The following EFHC2 variants were observed in gnomAD, a reference collection of about 807,000 sequenced individuals.
EFHC2 encodes the protein EF-hand domain containing 2.
In EFHC2, 18 loss-of-function variants were observed where a neutral mutation model predicts 52.7. That is an observed-to-expected ratio of 0.34 (90% CI 0.24 to 0.51). The LOEUF is 0.51. Ranked by LOEUF, EFHC2 falls within the 20% of genes least tolerant of loss-of-function variation. EFHC2 has a pLI of 0.97. For synonymous variants in EFHC2, 203 were observed against 204.1 expected (o/e 0.99, Z 0.04); for missense variants, 513 against 562.5 (o/e 0.91, Z 0.89).
At chrX:44,306,501 T>C (rs1372700027) in intron 2 of EFHC2, among the ~76,000 whole-genome samples, 3 of 111,564 alleles carry the variant, frequency 2.7e-5, no homozygotes, top group South Asian at 3.8e-4. Flanking sequence ...GCAAGGAGCC[T>C]GGGGAGGTAA....
intron 2 of EFHC2, among the ~76,000 whole-genome samples, chrX:44,295,387 T>C (rs773193714): frequency 4.5e-5 from 5 of 111,507 alleles, no homozygotes; most frequent in Non-Finnish European, 9.4e-5. Context: ...TGCAAAGTTA[T>C]GGGAGCATAG....
At chrX:44,324,077 C>T (rs1203795905) in intron 1 of EFHC2, among the ~76,000 whole-genome samples, 1 of 111,140 alleles carries the variant, frequency 9.0e-6, no homozygotes, top group East Asian at 2.8e-4. Context: ...TTAGGAATCA[C>T]GCAGCCTGAG....
At chrX:44,184,341 A>G (rs910529119) in intron 11 of EFHC2, among the ~76,000 whole-genome samples, 1 of 112,091 alleles carries the variant, frequency 8.9e-6, no homozygotes, top group Non-Finnish European at 1.9e-5. Context: ...AGACAGTCAC[A>G]TAGGCTGTTC....
intron 3 of EFHC2, 111 bp downstream of exon 3, chrX:44,272,575 G>A (rs886395288): frequency 2.5e-5 from 20 of 790,775 alleles, no homozygotes; most frequent in Non-Finnish European, 3.4e-5. Context: ...ACTGCCAGCA[G>A]GTTAGACAGC....
At chrX:44,304,743 G>A (rs1211660598) in intron 2 of EFHC2, among the ~76,000 whole-genome samples, 1 of 109,983 alleles carries the variant, frequency 9.1e-6, no homozygotes, top group Non-Finnish European at 1.9e-5. Flanking sequence ...TCTTTTGCCT[G>A]TTTTTAGAAA....
At chrX:44,278,669 G>A (rs1569299517) in intron 2 of EFHC2, among the ~76,000 whole-genome samples, 1 of 111,106 alleles carries the variant, frequency 9.0e-6, no homozygotes, top group Non-Finnish European at 1.9e-5. Context: ...CAGGTGTCCT[G>A]CCCTATACCC....
chrX:44,222,240 C>T (rs1446143248), intron 11 of EFHC2, among the ~76,000 whole-genome samples: 2 of 110,764 alleles, frequency 1.8e-5, no homozygotes, highest in East Asian at 2.8e-4. Context: ...AGTGCCTTAG[C>T]GTGAGACAAT....
At chrX:44,307,247 AG>A (rs1441999959) in intron 2 of EFHC2, among the ~76,000 whole-genome samples, 1 of 111,950 alleles carries the variant, frequency 8.9e-6, no homozygotes, top group Non-Finnish European at 1.9e-5. Context: ...CACTTTCCAA[AG>A]AACTGTCTTT....
intron 1 of EFHC2, among the ~76,000 whole-genome samples, chrX:44,333,729 T>C (rs184514989): frequency 9.0e-6 from 1 of 110,533 alleles, no homozygotes; most frequent in East Asian, 2.9e-4. Context: ...AAAAACAAGA[T>C]AATTTCCCAG....
intron 7 of EFHC2, among the ~76,000 whole-genome samples, chrX:44,245,852 C>T (rs1461456209): frequency 2.7e-5 from 3 of 111,516 alleles, no homozygotes; most frequent in African/African-American, 9.8e-5. Flanking sequence ...GTTGGGGTGT[C>T]ATTACACAGG....
At chrX:44,164,074 C>T in intron 13 of EFHC2, 47 bp from the exon 14 acceptor site, 1 of 820,009 alleles carries the variant, frequency 1.2e-6, no homozygotes, top group Non-Finnish European at 1.7e-6. Flanking sequence ...CTGCAGAATT[C>T]AAGACCAAAA....
chrX:44,211,987 C>T (rs923059299), intron 11 of EFHC2, among the ~76,000 whole-genome samples: 30 of 109,076 alleles, frequency 2.8e-4, no homozygotes, highest in African/African-American at 1.0e-3. Flanking sequence ...CAGGAACATA[C>T]AGAGAATCAC....
chrX:44,184,348 G>A (rs943363917), intron 11 of EFHC2, among the ~76,000 whole-genome samples: 6 of 111,982 alleles, frequency 5.4e-5, no homozygotes, highest in African/African-American at 1.9e-4. Flanking sequence ...CACATAGGCT[G>A]TTCCTTCACC....
At chrX:44,289,869 GA>G (rs2037780687) in intron 2 of EFHC2, among the ~76,000 whole-genome samples, 1 of 109,383 alleles carries the variant, frequency 9.1e-6, no homozygotes, top group Non-Finnish European at 1.9e-5. Flanking sequence ...TTTTTGTAGA[GA>G]TGGGGTTTCA....
intron 11 of EFHC2, among the ~76,000 whole-genome samples, chrX:44,217,709 G>A (rs1304718073): frequency 1.8e-5 from 2 of 110,761 alleles, no homozygotes; most frequent in African/African-American, 6.6e-5. Flanking sequence ...AGGGTAGTGG[G>A]GGAGAGGGGA....
rs778996645 is a variant in EFHC2 at position 44,312,623 on chromosome X, A to T, written c.176T>A (p.Ile59Lys). 11 of 1,208,930 alleles carry T rather than the reference A, an allele frequency of 9.1e-6. No homozygotes were observed. Among genetic ancestry groups the T allele is most frequent in the Non-Finnish European group, 1.2e-5 (11 of 894,685 alleles). ...ATCACTTCCATCTCCTTTAGGATAT[A>T]TGCTACATTTAGGCTTTATCTTTTG... is the stretch of plus-strand genomic sequence containing the variant. ...LGQKIKPKCS[I>K]YPKGDGSDVP... Residue 59 changes from isoleucine to lysine, a missense_variant, in exon 2 of 15, where the codon ATA becomes AAA. Coordinates refer to ENST00000420999, the MANE Select transcript of EFHC2 (RefSeq NM_025184.4).
In EFHC2 at chrX:44,160,022, T is replaced by C. The variant is rs189351793; in HGVS notation, c.2148+3900A>G. On this transcript the variant is annotated intron_variant, in intron 14 of 14. Coordinates refer to ENST00000420999, the MANE Select transcript of EFHC2 (RefSeq NM_025184.4). ...TTTGAGATGGGAAAACCTGAAAGGT[T>C]GAGTGCTTTGTAAAAAGTCACCCAG... Among the ~76,000 whole-genome samples the C allele has an allele frequency of 4.0e-4, 45 of 112,554 alleles. No homozygotes were observed. In the East Asian group the frequency reaches 5.9e-3, roughly 15 times the overall value.
intron 13 of EFHC2, among the ~76,000 whole-genome samples, chrX:44,166,314 T>C (rs182041455): frequency 3.6e-4 from 40 of 111,213 alleles, no homozygotes; most frequent in Non-Finnish European, 7.0e-4. Flanking sequence ...AGACTATATA[T>C]ATTATGTAAG....
At chrX:44,187,135 G>GTGTATATATA (rs1556001678) in intron 11 of EFHC2, among the ~76,000 whole-genome samples, 2 of 61,728 alleles carry the variant, frequency 3.2e-5, no homozygotes, top group African/African-American at 1.7e-4. Context: ...AAACAAAATG[G>GTGTATATATA]TATATATATA....
Sources: gnomAD v4.1 joint callset for allele counts (sites outside exome capture counted in the v4.1 genomes callset) on GRCh38, gnomAD v4.1.1 for gene constraint, MANE v1.5 for transcripts, NCBI Gene and HGNC (gene_info 2026-07-23, HGNC 2026-07-21) for gene names.